Variants in HDX observed in about 807,000 individuals in gnomAD.
HDX encodes chromosome X open reading frame 43.
A neutral mutation model predicts 45.2 loss-of-function variants in HDX; 19 were observed. The ratio of observed to expected loss-of-function variants is 0.42; its 90% CI spans 0.29 to 0.62. The LOEUF is 0.62. Among genes scored for constraint, HDX ranks in the 20% least tolerant of loss-of-function variants. HDX has a pLI of 0.20. For synonymous variants in HDX, 188 were observed against 172.8 expected (o/e 1.09, Z -0.69); for missense variants, 532 against 493.9 (o/e 1.08, Z -0.73).
At chrX:84,468,147 C>T (rs2040387122) in intron 4 of HDX, among the ~76,000 whole-genome samples, 1 of 111,317 alleles carries the variant, frequency 9.0e-6, no homozygotes, top group African/African-American at 3.3e-5. Context: ...TGTTCAAGAT[C>T]ATGAGCCCGA....
chrX:84,389,985 A>G (rs1480314055), intron 5 of HDX, among the ~76,000 whole-genome samples: 3 of 111,089 alleles, frequency 2.7e-5, no homozygotes, highest in African/African-American at 9.8e-5. Flanking sequence ...AGGGTCTGAA[A>G]GTAGCTCTAG....
At chrX:84,430,195 A>T (rs1449785722) in intron 5 of HDX, among the ~76,000 whole-genome samples, 1 of 110,765 alleles carries the variant, frequency 9.0e-6, no homozygotes, top group Admixed American at 9.6e-5. Context: ...TCCAGCCTCT[A>T]ATATCTTCTG....
chrX:84,439,311 A>G (rs2039709992), intron 5 of HDX, among the ~76,000 whole-genome samples: 1 of 111,248 alleles, frequency 9.0e-6, no homozygotes, highest in African/African-American at 3.3e-5. Context: ...GACCTTTGTC[A>G]GATGCATATT....
intron 5 of HDX, among the ~76,000 whole-genome samples, chrX:84,428,770 T>C (rs1054848681): frequency 9.0e-6 from 1 of 110,917 alleles, no homozygotes; most frequent in Non-Finnish European, 1.9e-5. Flanking sequence ...TAATGTGAAA[T>C]CTAAGTAATC....
chrX:84,358,654 A>G (rs2037545145), intron 6 of HDX, among the ~76,000 whole-genome samples: 2 of 112,424 alleles, frequency 1.8e-5, no homozygotes, highest in African/African-American at 6.5e-5. Context: ...TGAACAGGGC[A>G]GTACTTATTT....
At position 84,354,952 on chromosome X, in the gene HDX, T is replaced by C. The variant is rs1359575686; in HGVS notation, c.1452+6514A>G. Among the ~76,000 whole-genome samples the C allele has an allele frequency of 2.5e-3, 229 of 92,954 alleles. 3 individuals carry two copies. The highest frequency in any genetic ancestry group is 7.7e-3 in the African/African-American group (200 of 25,818). 80.7% of individuals were successfully genotyped at this position (92,954 alleles called of 115,157 possible). A position where few individuals can be genotyped will look rare whatever the true frequency, so the allele number is the denominator to read the frequency against. On this transcript the variant is annotated intron_variant, in intron 6 of 10. Coordinates refer to ENST00000373177, the MANE Select transcript of HDX (RefSeq NM_001177479.2). Reference sequence around the variant, plus strand: ...ACACATATATATATATATATATATATATATATATATATATATATATACACA... The same window carrying C: ...ACACATATATATATATATATATATACATATATATATATATATATATACACA...
At chrX:84,373,448 C>T (rs545992322) in intron 5 of HDX, among the ~76,000 whole-genome samples, 1 of 110,972 alleles carries the variant, frequency 9.0e-6, no homozygotes, top group South Asian at 3.8e-4. Flanking sequence ...CTGGCAGAGA[C>T]ACAACCAAAA....
chrX:84,395,634 G>A lies in HDX; in HGVS notation c.1306-34022C>T, dbSNP rs182962228. The stretch of plus-strand genomic sequence containing the variant: ...CTAAATCTTTTGCTAGACTTGGAAA[G>A]GTTTCACCTATTATTTCATCACCTA... On this transcript the variant is annotated intron_variant, in intron 5 of 10. Transcript: ENST00000373177. Among the ~76,000 whole-genome samples the A allele has an allele frequency of 5.4e-5, 6 of 111,113 alleles. No homozygotes were observed. In the East Asian group the frequency reaches 1.4e-3, roughly 26 times the overall value.
At chrX:84,476,577 AAAGG>A (rs1199786343) in intron 2 of HDX, among the ~76,000 whole-genome samples, 35 of 107,341 alleles carry the variant, frequency 3.3e-4, no homozygotes, top group Admixed American at 1.2e-3. Flanking sequence ...GAAAGAAAAG[AAAGG>A]AAGGAAGGAA....
At chrX:84,361,654 A>G in intron 5 of HDX, 42 bp from the exon 6 acceptor site, 1 of 1,025,972 alleles carries the variant, frequency 9.7e-7, no homozygotes, top group Admixed American at 2.8e-5. Context: ...TTTAAAGTTT[A>G]GAATAATCAA....
At chrX:84,404,912 G>T (rs2038784128) in intron 5 of HDX, among the ~76,000 whole-genome samples, 1 of 111,019 alleles carries the variant, frequency 9.0e-6, no homozygotes, top group Admixed American at 9.6e-5. Flanking sequence ...GAAGCACACA[G>T]TTTTTCTACT....
intron 6 of HDX, among the ~76,000 whole-genome samples, chrX:84,354,690 A>G (rs1221932940): frequency 9.1e-6 from 1 of 109,369 alleles, no homozygotes. Context: ...CAATCATCAC[A>G]TAGTGTTGTA....
At chrX:84,472,614 C>T in intron 3 of HDX, among the ~76,000 whole-genome samples, 1 of 111,272 alleles carries the variant, frequency 9.0e-6, no homozygotes. Context: ...GGAGAAATTA[C>T]TAAATAGCAG....
chrX:84,396,236 A>T (rs1017353119), intron 5 of HDX, among the ~76,000 whole-genome samples: 1 of 112,413 alleles, frequency 8.9e-6, no homozygotes, highest in Non-Finnish European at 1.9e-5. Context: ...CTGAAGATAC[A>T]TCTATGGTGT....
At chrX:84,333,368 A>G (rs2036885488) in intron 9 of HDX, among the ~76,000 whole-genome samples, 1 of 111,550 alleles carries the variant, frequency 9.0e-6, no homozygotes, top group African/African-American at 3.2e-5. Context: ...ATTTTTAAAA[A>G]TTGTCCACAG....
chrX:84,327,391 A>G (rs1357460255), intron 9 of HDX, among the ~76,000 whole-genome samples: 4 of 111,828 alleles, frequency 3.6e-5, no homozygotes, highest in Non-Finnish European at 7.5e-5. Context: ...TAGATTTACT[A>G]TGAAAGCCAC....
chrX:84,469,699 AAAAGGTAAAAT>A, intron 3 of HDX, 124 bp from the exon 4 acceptor site: 1 of 569,447 alleles, frequency 1.8e-6, no homozygotes. Context: ...AGGTAAAAGA[AAAAGGTAAAAT>A]AACAGAAAAA....
intron 5 of HDX, among the ~76,000 whole-genome samples, chrX:84,435,587 T>C (rs1462045864): frequency 9.3e-6 from 1 of 107,276 alleles, no homozygotes; most frequent in East Asian, 2.9e-4. Flanking sequence ...TTGTCAATTT[T>C]GGCTTTTGTT....
At chrX:84,461,686 G>T (rs2040240747) in intron 4 of HDX, among the ~76,000 whole-genome samples, 1 of 111,347 alleles carries the variant, frequency 9.0e-6, no homozygotes, top group Non-Finnish European at 1.9e-5. Context: ...AAGTTAAAAA[G>T]CTTCTGCACA....
Sources: gnomAD v4.1 joint callset for allele counts (sites outside exome capture counted in the v4.1 genomes callset) on GRCh38, gnomAD v4.1.1 for gene constraint, MANE v1.5 for transcripts, NCBI Gene and HGNC (gene_info 2026-07-23, HGNC 2026-07-21) for gene names.